PAQR5: variants seen among roughly 807,000 people sequenced by gnomAD.
PAQR5 encodes the protein membrane progestin receptor gamma.
Under a neutral mutation model 34.5 loss-of-function variants are expected in PAQR5, and 20 were observed. The observed-to-expected ratio is 0.58, with a 90% confidence interval of 0.41 to 0.84. The LOEUF is 0.84. Ranked by LOEUF, PAQR5 falls within the 40% of genes least tolerant of loss-of-function variation. The pLI, the probability that PAQR5 is intolerant of heterozygous loss-of-function variation, is 0.00. For synonymous variants in PAQR5, 131 were observed against 155.6 expected, an observed-to-expected ratio of 0.84 and a Z score of 1.18; for missense variants, 378 against 412.7, an observed-to-expected ratio of 0.92 and a Z score of 0.73.
intron 6 of PAQR5, chr15:69,391,077 G>C (rs1213606623): frequency 2.0e-5 from 3 of 152,516 alleles, no homozygotes; most frequent in African/African-American, 7.2e-5. Context: ...AAGCTGGCAG[G>C]TACATCTGAG....
At chr15:69,309,580 C>T (rs8025182) in intron 1 of PAQR5, among the ~76,000 whole-genome samples, 62,175 of 151,858 alleles carry the variant, frequency 0.41, 12,966 homozygotes, top group African/African-American at 0.5. Context: ...CTATCTCCCC[C>T]GATCTCCCTG....
rs59700882 is a variant in PAQR5 at position 69,322,751 on chromosome 15, A to C, written c.-276-14590A>C. On this transcript the variant is annotated intron_variant, in intron 1 of 8. Coordinates refer to ENST00000395407, the MANE Select transcript of PAQR5 (RefSeq NM_017705.4). ...AAGAAGAAGAAGAAGAAGAAGAAGAAGAAGAAGAAGAAGAAGAAGAGGGAG... is the reference window on the plus strand; with the variant it reads ...AAGAAGAAGAAGAAGAAGAAGAAGACGAAGAAGAAGAAGAAGAAGAGGGAG... Among the ~76,000 whole-genome samples, 6 of 25,634 alleles carry C rather than the reference A, an allele frequency of 2.3e-4. 1 individual carries two copies. Among genetic ancestry groups the C allele is most frequent in the African/African-American group, 6.3e-4 (6 of 9,466 alleles). The allele number at this position is 25,634 out of a possible 152,430, so 16.8% of individuals were successfully genotyped here.
intron 8 of PAQR5, among the ~76,000 whole-genome samples, chr15:69,402,570 C>G (rs1000832027): frequency 1.3e-5 from 2 of 152,206 alleles, no homozygotes; most frequent in Admixed American, 6.5e-5. Flanking sequence ...CCCGCCTCAG[C>G]CTCCCAAAGT....
At chr15:69,311,033 C>G (rs1349073548) in intron 1 of PAQR5, among the ~76,000 whole-genome samples, 2 of 90,952 alleles carry the variant, frequency 2.2e-5, no homozygotes, top group South Asian at 8.7e-4. Flanking sequence ...AGCAAGACTC[C>G]GTCGCAAAAA....
chr15:69,364,860 C>T (rs1181059125), intron 3 of PAQR5, among the ~76,000 whole-genome samples: 3 of 150,586 alleles, frequency 2.0e-5, no homozygotes, highest in Admixed American at 1.3e-4. Flanking sequence ...GCCTCAGCCT[C>T]CCAAGTAGCT....
intron 1 of PAQR5, among the ~76,000 whole-genome samples, chr15:69,309,446 A>T (rs1362261189): frequency 6.6e-6 from 1 of 152,198 alleles, no homozygotes. Context: ...AATGGGCAGC[A>T]GGTGGGAAGA....
At chr15:69,381,061 A>G (rs1174070211) in intron 4 of PAQR5, among the ~76,000 whole-genome samples, 1 of 152,216 alleles carries the variant, frequency 6.6e-6, no homozygotes, top group African/African-American at 2.4e-5. Context: ...GGTGTGGACT[A>G]GGGTGATCTG....
intron 6 of PAQR5, chr15:69,391,514 C>T (rs1173868589): frequency 5.4e-6 from 2 of 367,572 alleles, no homozygotes; most frequent in Non-Finnish European, 5.4e-6. Flanking sequence ...ACAGTAATAA[C>T]CCTGCGGAAA....
At chr15:69,379,789 A>G in intron 3 of PAQR5, 94 bp from the exon 4 acceptor site, 1 of 1,475,760 alleles carries the variant, frequency 6.8e-7, no homozygotes, top group Middle Eastern at 2.1e-4. Flanking sequence ...CAAGCGTTCC[A>G]GGCACACAGA....
chr15:69,376,384 T>G (rs1432701896), intron 3 of PAQR5, among the ~76,000 whole-genome samples: 1 of 152,254 alleles, frequency 6.6e-6, no homozygotes, highest in Non-Finnish European at 1.5e-5. Context: ...GTCTGCTCTA[T>G]GCAAAACACT....
At chr15:69,325,047 C>T (rs974281112) in intron 1 of PAQR5, among the ~76,000 whole-genome samples, 8 of 152,040 alleles carry the variant, frequency 5.3e-5, no homozygotes, top group African/African-American at 1.4e-4. Flanking sequence ...TGCAGGTGCC[C>T]GCCACCATGC....
intron 1 of PAQR5, among the ~76,000 whole-genome samples, chr15:69,299,414 C>A (rs1270415422): frequency 6.6e-6 from 1 of 152,330 alleles, no homozygotes; most frequent in East Asian, 1.9e-4. Flanking sequence ...CCCCTCCCGC[C>A]GCCCCCACTT....
chr15:69,399,947 A>T (rs2056572089), intron 7 of PAQR5, 27 bp from the exon 8 acceptor site: 1 of 1,607,104 alleles, frequency 6.2e-7, no homozygotes, highest in Non-Finnish European at 8.5e-7. Context: ...TCCTCTCAAG[A>T]CCTGATGTTT....
intron 1 of PAQR5, among the ~76,000 whole-genome samples, chr15:69,304,090 G>A (rs2053662826): frequency 6.6e-6 from 1 of 152,156 alleles, no homozygotes; most frequent in African/African-American, 2.4e-5. Context: ...ATAATGCTTT[G>A]CCTGAAGAAA....
chr15:69,312,409 A>G (rs1048627649), intron 1 of PAQR5, among the ~76,000 whole-genome samples: 7 of 152,040 alleles, frequency 4.6e-5, no homozygotes, highest in Admixed American at 1.3e-4. Context: ...CTGTTGCTAT[A>G]CAGTAAACCC....
chr15:69,379,425 A>C (rs957108150), intron 3 of PAQR5: 14 of 985,280 alleles, frequency 1.4e-5, no homozygotes, highest in Non-Finnish European at 1.7e-5. Context: ...CACCTTGGTG[A>C]ATATATCCTG....
chr15:69,406,002 G>A lies in PAQR5; in HGVS notation c.*2180G>A, dbSNP rs907272416. ...GTTCAAATATATTAATTATCATTAA[G>A]TATTAAATAATAGGCATTAGATGTC... On this transcript the variant is annotated 3_prime_UTR_variant, in exon 9 of 9. Coordinates refer to ENST00000395407, the MANE Select transcript of PAQR5 (RefSeq NM_017705.4). 1.3e-5 allele frequency: 2 copies of A among 152,192 alleles called. No individual in the cohort carries two copies. Among genetic ancestry groups the A allele is most frequent in the Non-Finnish European group, 2.9e-5 (2 of 68,034 alleles). The allele number at this position is 152,192 out of a possible 1,614,324, so 9.4% of individuals were successfully genotyped here.
At chr15:69,387,143 T>C (rs1368170468) in intron 5 of PAQR5, among the ~76,000 whole-genome samples, 1 of 152,200 alleles carries the variant, frequency 6.6e-6, no homozygotes, top group African/African-American at 2.4e-5. Context: ...CAACACCTTC[T>C]ACCACATCAC....
intron 2 of PAQR5, among the ~76,000 whole-genome samples, chr15:69,346,605 A>G (rs1182198822): frequency 6.8e-6 from 1 of 146,542 alleles, no homozygotes; most frequent in Non-Finnish European, 1.5e-5. Context: ...AGCGTGAGCT[A>G]CCACGTCCAG....
Sources: allele counts gnomAD v4.1 joint callset (sites outside exome capture counted in the v4.1 genomes callset), GRCh38; gene constraint gnomAD v4.1.1; transcripts MANE v1.5; gene names NCBI Gene and HGNC (gene_info 2026-07-23, HGNC 2026-07-21).